LYN: variants seen among roughly 807,000 people sequenced by gnomAD.
LYN encodes the protein tyrosine-protein kinase Lyn.
LYN carries 12 observed loss-of-function variants against 65.0 expected under a neutral mutation model. That is an observed-to-expected ratio of 0.18 (90% CI 0.12 to 0.30). LYN has a LOEUF of 0.30. LYN is among the 10% of genes least tolerant of loss of function. LYN has a pLI of 1.00. For synonymous variants in LYN, 222 were observed against 221.2 expected (o/e 1.00, Z -0.03); for missense variants, 380 against 623.2 (o/e 0.61, Z 4.16).
chr8:55,911,464 T>G (rs902877432), intron 1 of LYN, among the ~76,000 whole-genome samples: 3 of 150,460 alleles, frequency 2.0e-5, no homozygotes, highest in African/African-American at 7.3e-5. Context: ...TAAAATACAA[T>G]GAAATACTCA....
chr8:56,008,242 A>C (rs117267082), intron 12 of LYN, among the ~76,000 whole-genome samples: 281 of 152,362 alleles, frequency 1.8e-3, no homozygotes, highest in Non-Finnish European at 3.4e-3. Context: ...AAAAACACTG[A>C]TTAGAAAATA....
intron 10 of LYN, among the ~76,000 whole-genome samples, chr8:55,996,126 A>G (rs1280259969): frequency 6.6e-6 from 1 of 152,238 alleles, no homozygotes; most frequent in Admixed American, 6.5e-5. Context: ...ACTGGCTAAC[A>G]TGACACCACT....
chr8:55,952,687 C>A (rs1806985462), intron 7 of LYN, among the ~76,000 whole-genome samples: 1 of 152,164 alleles, frequency 6.6e-6, no homozygotes, highest in Admixed American at 6.6e-5. Context: ...ATTCAGTGTT[C>A]CACAATTACC....
At chr8:55,889,737 A>C (rs925410259) in intron 1 of LYN, among the ~76,000 whole-genome samples, 4 of 152,182 alleles carry the variant, frequency 2.6e-5, no homozygotes, top group Non-Finnish European at 4.4e-5. Flanking sequence ...CTGAATGGTC[A>C]AAAGTAAGGC....
At chr8:55,970,875 T>TA (rs1807591673) in intron 10 of LYN, among the ~76,000 whole-genome samples, 2 of 152,226 alleles carry the variant, frequency 1.3e-5, no homozygotes, top group Admixed American at 1.3e-4. Context: ...TATTCACCTG[T>TA]AAAACAGAAT....
At chr8:56,000,464 T>C (rs1326692920) in intron 12 of LYN, among the ~76,000 whole-genome samples, 2 of 151,994 alleles carry the variant, frequency 1.3e-5, no homozygotes, top group African/African-American at 2.4e-5. Flanking sequence ...TGCAGTGGCT[T>C]ACACCTGTAA....
chr8:55,892,203 A>C (rs147843347), intron 1 of LYN, among the ~76,000 whole-genome samples: 4,469 of 152,328 alleles, frequency 0.029, 220 homozygotes, highest in African/African-American at 0.1. Context: ...CAGATGGATC[A>C]CGAGGTCAGG....
At chr8:55,885,974 G>C (rs559807522) in intron 1 of LYN, among the ~76,000 whole-genome samples, 133 of 152,210 alleles carry the variant, frequency 8.7e-4, no homozygotes, top group Non-Finnish European at 1.4e-3. Context: ...GGGTGGGAGA[G>C]AGGAGCAGTC....
chr8:55,909,176 G>A (rs1563505057), intron 1 of LYN, among the ~76,000 whole-genome samples: 1 of 151,978 alleles, frequency 6.6e-6, no homozygotes, highest in African/African-American at 2.4e-5. Context: ...CCAGAAGCAG[G>A]TGGGTCTAGG....
intron 1 of LYN, among the ~76,000 whole-genome samples, chr8:55,903,702 G>C (rs1805344053): frequency 6.6e-6 from 1 of 152,226 alleles, no homozygotes; most frequent in Middle Eastern, 3.4e-3. Flanking sequence ...GATTAACCTG[G>C]CTATTATTCT....
At chr8:55,920,160 T>C (rs1313045748) in intron 1 of LYN, among the ~76,000 whole-genome samples, 3 of 151,952 alleles carry the variant, frequency 2.0e-5, no homozygotes, top group Non-Finnish European at 4.4e-5. Context: ...GGAAGGCCAG[T>C]GTGAGTTGGG....
At chr8:55,965,239 T>G (rs1034734924) in intron 8 of LYN, among the ~76,000 whole-genome samples, 8 of 152,184 alleles carry the variant, frequency 5.3e-5, no homozygotes, top group Non-Finnish European at 4.4e-5. Context: ...CCAGAGCGTG[T>G]TCCATGCGGT....
chr8:55,966,663 CG>C, intron 8 of LYN, 51 bp from the exon 9 acceptor site: 1 of 1,544,750 alleles, frequency 6.5e-7, no homozygotes, highest in Non-Finnish European at 8.9e-7. Context: ...CCACCTCCCC[CG>C]GCTAGATTTT....
chr8:56,002,679 T>C (rs1808553068), intron 12 of LYN, among the ~76,000 whole-genome samples: 1 of 151,392 alleles, frequency 6.6e-6, no homozygotes, highest in Non-Finnish European at 1.5e-5. Context: ...AGTAGAAAAA[T>C]GGTGAGAATC....
chr8:55,901,167 C>T (rs575480602), intron 1 of LYN, among the ~76,000 whole-genome samples: 1 of 152,262 alleles, frequency 6.6e-6, no homozygotes, highest in South Asian at 2.1e-4. Context: ...TTTCCCTCTC[C>T]TTCCCCCCGT....
intron 1 of LYN, among the ~76,000 whole-genome samples, chr8:55,936,388 C>A (rs375628388): frequency 1.2e-3 from 190 of 152,208 alleles, no homozygotes; most frequent in African/African-American, 4.1e-3. Context: ...TCCTATAATC[C>A]CAGCACTTTG....
At chr8:55,903,821 C>A (rs1352691058) in intron 1 of LYN, among the ~76,000 whole-genome samples, 1 of 152,084 alleles carries the variant, frequency 6.6e-6, no homozygotes, top group East Asian at 1.9e-4. Flanking sequence ...TGACACCAGC[C>A]TGGGCAACAT....
chr8:55,954,050 C>A (rs1378332072), intron 8 of LYN, 66 bp downstream of exon 8: 3 of 1,538,608 alleles, frequency 1.9e-6, no homozygotes, highest in Non-Finnish European at 2.7e-6. Context: ...AAGGCTCAAG[C>A]CAATTTCGAT....
At chr8:55,994,547 T>C (rs1808326080) in intron 10 of LYN, among the ~76,000 whole-genome samples, 1 of 152,070 alleles carries the variant, frequency 6.6e-6, no homozygotes, top group African/African-American at 2.4e-5. Context: ...TTGTAATGAG[T>C]TGATCATCAC....
Sources: allele counts gnomAD v4.1 joint callset (sites outside exome capture counted in the v4.1 genomes callset), GRCh38; gene constraint gnomAD v4.1.1; transcripts MANE v1.5; gene names NCBI Gene and HGNC (gene_info 2026-07-23, HGNC 2026-07-21).